EHBP1: variants seen among roughly 807,000 people sequenced by gnomAD.
The protein encoded by EHBP1 is EH domain binding protein 1, also known as EH domain-binding protein 1.
EHBP1 carries 55 observed loss-of-function variants against 144.0 expected under a neutral mutation model. The ratio of observed to expected loss-of-function variants is 0.38; its 90% CI spans 0.31 to 0.48. The LOEUF (loss-of-function observed/expected upper bound fraction) is 0.48. Ranked by LOEUF, EHBP1 falls within the 20% of genes least tolerant of loss-of-function variation. The pLI, the probability that EHBP1 is intolerant of heterozygous loss-of-function variation, is 0.98. For synonymous variants in EHBP1, 469 were observed against 472.7 expected (o/e 0.99, Z 0.10); for missense variants, 1,200 against 1,364.2 (o/e 0.88, Z 1.90).
chr2:63,023,722 T>G (rs2060855133), intron 19 of EHBP1, among the ~76,000 whole-genome samples: 1 of 152,184 alleles, frequency 6.6e-6, no homozygotes, highest in Non-Finnish European at 1.5e-5. Flanking sequence ...GTCCTCCACA[T>G]TAGACACTTC....
At chr2:62,779,770 A>G (rs2042301071) in intron 5 of EHBP1, among the ~76,000 whole-genome samples, 1 of 152,212 alleles carries the variant, frequency 6.6e-6, no homozygotes. Flanking sequence ...GGATAAATCT[A>G]ATCAAGATCC....
At chr2:62,825,049 G>A (rs2046247628) in intron 5 of EHBP1, among the ~76,000 whole-genome samples, 2 of 151,864 alleles carry the variant, frequency 1.3e-5, no homozygotes, top group African/African-American at 4.8e-5. Context: ...ACTTGCTCAA[G>A]GTCACACAGC....
intron 3 of EHBP1, among the ~76,000 whole-genome samples, chr2:62,751,557 T>C (rs2039721989): frequency 1.3e-5 from 2 of 152,202 alleles, no homozygotes. Context: ...TCAGAAGGAA[T>C]AGTACCAGCT....
At chr2:62,775,824 A>G (rs1209770763) in intron 5 of EHBP1, among the ~76,000 whole-genome samples, 1 of 152,188 alleles carries the variant, frequency 6.6e-6, no homozygotes, top group Non-Finnish European at 1.5e-5. Context: ...GCCCACAGTT[A>G]TATAGCTAAC....
At chr2:63,043,153 G>A (rs966714571) in intron 21 of EHBP1, among the ~76,000 whole-genome samples, 2 of 152,088 alleles carry the variant, frequency 1.3e-5, no homozygotes, top group East Asian at 1.9e-4. Context: ...CCAACCTGGA[G>A]AGCCTATTAA....
rs145694702 is a variant in EHBP1, at chr2:62,828,043, C to T, written c.494+1775C>T. On this transcript the variant is annotated intron_variant, in intron 6 of 22. Coordinates refer to ENST00000431489, the MANE Select transcript of EHBP1 (RefSeq NM_001142616.3). ...AAGAGAGCAATTTGTAAGACATTCA[C>T]GTAAGGTAATAACTTTTTTGCTCAT... Among the ~76,000 whole-genome samples the T allele has an allele frequency of 3.0e-3, 463 of 152,230 alleles. 3 individuals are homozygous for T. Among genetic ancestry groups the T allele is most frequent in the African/African-American group, 0.011 (438 of 41,524 alleles).
In EHBP1 at chr2:62,889,249, G is replaced by GT. The variant is rs796227782; in HGVS notation, c.1185+14727dup. Among the ~76,000 whole-genome samples the GT allele has an allele frequency of 4.1e-3, 578 of 142,024 alleles. 13 individuals carry two copies. In the East Asian group the frequency reaches 0.057, roughly 14 times the overall value. The allele number at this position is 142,024 out of a possible 152,430, so 93.2% of individuals were successfully genotyped here. On this transcript the variant is annotated intron_variant, in intron 10 of 22. Transcript: ENST00000431489. The stretch of plus-strand genomic sequence containing the variant: ...TTGTTTGGTGTTTTTGTGTGTGTGT[G>GT]TTTTTTTTTTGTAAATTTGTTTAAA...
At chr2:62,907,776 T>C (rs2053917650) in intron 10 of EHBP1, among the ~76,000 whole-genome samples, 1 of 152,236 alleles carries the variant, frequency 6.6e-6, no homozygotes, top group African/African-American at 2.4e-5. Context: ...CTTGAGTGTA[T>C]TTGATATCTG....
intron 2 of EHBP1, among the ~76,000 whole-genome samples, chr2:62,708,235 G>A (rs1268440676): frequency 6.6e-6 from 1 of 152,102 alleles, no homozygotes; most frequent in Non-Finnish European, 1.5e-5. Flanking sequence ...TTTGGAACTA[G>A]TTTCTGAATG....
At chr2:62,872,059 CT>C (rs2050533730) in intron 9 of EHBP1, 2 of 152,214 alleles carry the variant, frequency 1.3e-5, no homozygotes, top group African/African-American at 4.8e-5. Flanking sequence ...ATTTTAATAA[CT>C]TTGAATTTGT....
At chr2:62,945,444 G>T (rs1558957742) in intron 12 of EHBP1, among the ~76,000 whole-genome samples, 1 of 152,104 alleles carries the variant, frequency 6.6e-6, no homozygotes, top group Non-Finnish European at 1.5e-5. Context: ...AAAGTCTTGG[G>T]ACCTTGATAG....
At chr2:62,878,024 CA>C (rs1382105149) in intron 10 of EHBP1, among the ~76,000 whole-genome samples, 3 of 151,904 alleles carry the variant, frequency 2.0e-5, no homozygotes, top group African/African-American at 7.3e-5. Context: ...AAAAACAGTA[CA>C]AAAAAATTAA....
chr2:62,984,128 T>A (rs1295546995), intron 15 of EHBP1, among the ~76,000 whole-genome samples: 2 of 152,196 alleles, frequency 1.3e-5, no homozygotes, highest in African/African-American at 4.8e-5. Context: ...TTGAGAATTT[T>A]AAAAATCATA....
chr2:62,737,875 C>T (rs1282703317), intron 2 of EHBP1, among the ~76,000 whole-genome samples: 2 of 152,000 alleles, frequency 1.3e-5, no homozygotes, highest in East Asian at 1.9e-4. Context: ...ATGATTCTTC[C>T]CTCTTAGCCT....
intron 7 of EHBP1, among the ~76,000 whole-genome samples, chr2:62,832,309 C>G (rs2046870956): frequency 6.6e-6 from 1 of 151,728 alleles, no homozygotes. Flanking sequence ...TATACATTTT[C>G]TAGAAATATG....
chr2:62,946,387 G>C (rs539158401), intron 12 of EHBP1, among the ~76,000 whole-genome samples: 1 of 152,018 alleles, frequency 6.6e-6, no homozygotes, highest in African/African-American at 2.4e-5. Flanking sequence ...CTTTATCTTT[G>C]ATGATTCTAT....
chr2:62,705,958 A>G lies in EHBP1; in HGVS notation c.-390A>G. The G allele has an allele frequency of 6.1e-6, 1 of 163,308 alleles. No individual in the cohort carries two copies. The highest frequency in any genetic ancestry group is 1.3e-5 in the Non-Finnish European group (1 of 77,998). 10.1% of individuals were successfully genotyped at this position (163,308 alleles called of 1,614,324 possible). A position where few individuals can be genotyped will look rare whatever the true frequency, so the allele number is the denominator to read the frequency against. ...CATGTGGCTCCGGCGGGGATGGAGG[A>G]CTCGGTGGCGGCGGCGGCTGCTGCT... On this transcript the variant is annotated 5_prime_UTR_variant, in exon 1 of 23. Coordinates refer to ENST00000431489, the MANE Select transcript of EHBP1 (RefSeq NM_001142616.3).
At chr2:62,982,019 CCT>C (rs1342918480) in intron 15 of EHBP1, among the ~76,000 whole-genome samples, 1 of 152,102 alleles carries the variant, frequency 6.6e-6, no homozygotes, top group Non-Finnish European at 1.5e-5. Flanking sequence ...AGGCCTATTT[CCT>C]GTCCTCGGTG....
chr2:62,897,577 T>C (rs1469299374), intron 10 of EHBP1, among the ~76,000 whole-genome samples: 1 of 152,212 alleles, frequency 6.6e-6, no homozygotes, highest in Non-Finnish European at 1.5e-5. Context: ...TCTTTAGTTA[T>C]GTGTTTCAAA....
Sources: allele counts gnomAD v4.1 joint callset (sites outside exome capture counted in the v4.1 genomes callset), GRCh38; gene constraint gnomAD v4.1.1; transcripts MANE v1.5; gene names NCBI Gene and HGNC (gene_info 2026-07-23, HGNC 2026-07-21).